The following DNAH17 variants were observed in gnomAD, a reference collection of about 807,000 sequenced individuals.
DNAH17 encodes the protein axonemal beta dynein heavy chain 17.
Under a neutral mutation model 485.6 loss-of-function variants are expected in DNAH17, and 376 were observed. That is an observed-to-expected ratio of 0.77 (90% CI 0.71 to 0.84). DNAH17 has a LOEUF of 0.84. Among genes scored for constraint, DNAH17 ranks in the 40% least tolerant of loss-of-function variants. The probability of loss-of-function intolerance (pLI) is 0.00; values close to 1 mark genes in which losing one functional copy is unlikely to be tolerated. For missense variants in DNAH17, 6,370 were observed against 5,839.3 expected (o/e 1.09, Z -2.96); for synonymous variants, 3,031 against 2,405.9 (o/e 1.26, Z -7.60).
Position 78,576,555 on chromosome 17 carries a change from C to T in DNAH17, c.-26+740G>A, listed in dbSNP as rs191803791. ...TTCCCACAGGGCTTTCAGCATGCTGCTGAATTAATCTCCACCCAGGATCTC... is the reference window on the plus strand; with the variant it reads ...TTCCCACAGGGCTTTCAGCATGCTGTTGAATTAATCTCCACCCAGGATCTC... On this transcript the variant is annotated intron_variant, in intron 1 of 80. Coordinates refer to ENST00000389840, the MANE Select transcript of DNAH17 (RefSeq NM_173628.4). Among the ~76,000 whole-genome samples, 7 of 152,256 alleles carry T rather than the reference C, an allele frequency of 4.6e-5. No homozygotes were observed. The East Asian group carries it at 1.2e-3, about 25-fold the overall frequency.
intron 49 of DNAH17, 31 bp downstream of exon 49, chr17:78,480,653 G>A (rs1294224432): frequency 1.9e-6 from 3 of 1,580,600 alleles, no homozygotes; most frequent in African/African-American, 2.7e-5. Context: ...ACTCATGGCA[G>A]GTGACGGGGA....
chr17:78,574,039 C>T (rs1378491894), intron 2 of DNAH17, among the ~76,000 whole-genome samples: 1 of 152,154 alleles, frequency 6.6e-6, no homozygotes, highest in Non-Finnish European at 1.5e-5. Flanking sequence ...ATTGGAGAAA[C>T]CTATCTGCCA....
Position 78,574,850 on chromosome 17 carries a change from G to T in DNAH17, c.208C>A (p.Gln70Lys), listed in dbSNP as rs1462505152. 7.4e-6 allele frequency: 12 copies of T among 1,613,914 alleles called. No individual in the cohort carries two copies. The African/African-American group carries it at 8.0e-5, about 11-fold the overall frequency. Residue 70 changes from glutamine (Q) to lysine (K), a missense_variant, in exon 2 of 81, where the codon CAG becomes AAG. Gln to Lys is a moderately conservative substitution (Grantham distance 53, BLOSUM62 1). Coordinates refer to ENST00000389840, the MANE Select transcript of DNAH17 (RefSeq NM_173628.4). ...TAAACCCCTTTGGACTTGAGGGACTGGGGGAAGCCCAGGCAGGGTATGATC... is the reference window on the plus strand; with the variant it reads ...TAAACCCCTTTGGACTTGAGGGACTTGGGGAAGCCCAGGCAGGGTATGATC... ...GMIIPCLGFPQSLKSKGVYFI... is the reference protein window; with the variant it reads ...GMIIPCLGFPKSLKSKGVYFI...
chr17:78,465,372 C>T (rs1319763023), intron 56 of DNAH17, among the ~76,000 whole-genome samples: 5 of 151,454 alleles, frequency 3.3e-5, no homozygotes, highest in African/African-American at 4.9e-5. Flanking sequence ...AAGTGAGGAG[C>T]GTCTCTGCCT....
rs775669683 is a variant in DNAH17, at chr17:78,574,807, G to T, written c.251C>A (p.Ser84Tyr). The T allele has an allele frequency of 6.2e-7, 1 of 1,614,018 alleles. No homozygotes were observed. The highest frequency in any genetic ancestry group is 1.1e-5 in the South Asian group (1 of 91,076). ...SKGVYFIKTK[S>Y]ENINKDNYRA... ...GTAGTTGTCCTTGTTGATGTTCTCG[G>T]ACTTTGTCTTGATGAAGTAAACCCC... Residue 84 changes from serine (S) to tyrosine (Y), a missense_variant, in exon 2 of 81, where the codon TCC becomes TAC. Transcript: ENST00000389840.
Position 78,454,742 on chromosome 17 carries a change from GC to G in DNAH17, c.10171-38del. ...GGCACACTTTCTTAGAGGGGGTAAT[GC>G]GACCTTATTACTTACTAGAAAATAG... On this transcript the variant is annotated intron_variant, in intron 63 of 80. Coordinates refer to ENST00000389840, the MANE Select transcript of DNAH17 (RefSeq NM_173628.4). 3.2e-6 allele frequency: 5 copies of G among 1,546,998 alleles called. No individual in the cohort carries two copies. The South Asian group carries it at 5.6e-5, about 17-fold the overall frequency.
chr17:78,477,482 G>A (rs1330313300), intron 51 of DNAH17, among the ~76,000 whole-genome samples: 1 of 152,094 alleles, frequency 6.6e-6, no homozygotes, highest in Non-Finnish European at 1.5e-5. Flanking sequence ...GGGTTCAAGT[G>A]ATTCTCACAT....
At chr17:78,537,593 T>C in intron 18 of DNAH17, 112 bp from the exon 19 acceptor site, 1 of 1,250,434 alleles carries the variant, frequency 8.0e-7, no homozygotes, top group Non-Finnish European at 1.1e-6. Context: ...CTTCCACTTA[T>C]CTGGGAAGCT....
At position 78,500,337 on chromosome 17, in the gene DNAH17, C is replaced by T. The variant is rs202169592; in HGVS notation, c.5608G>A (p.Val1870Ile). The T allele has an allele frequency of 3.8e-5, 62 of 1,612,662 alleles. 1 individual carries two copies. The Middle Eastern group carries it at 5.0e-4, about 13-fold the overall frequency. The change falls in exon 36 of 81, where the codon GTC (valine) becomes ATC (isoleucine). Residue 1870 changes from valine (V) to isoleucine (I), a missense_variant. Val to Ile is a conservative substitution (Grantham distance 29). Coordinates refer to ENST00000389840, the MANE Select transcript of DNAH17 (RefSeq NM_173628.4). ...LGRALGTMVYVFNCSEQMDYK... is the reference protein window; with the variant it reads ...LGRALGTMVYIFNCSEQMDYK... ...TCCATCTGCTCGGAGCAGTTGAAGA[C>T]GTAGACCATGGTGCCCAGGGCTCTG...
At position 78,514,352 on chromosome 17, in the gene DNAH17, A is replaced by G. The variant is rs181319721; in HGVS notation, c.4113+422T>C. ...AAACCCCGTCTGTACTAAAAATACA[A>G]AAATTAGCTGGGTGTGGTGGTGGGT... is the stretch of plus-strand genomic sequence containing the variant. On this transcript the variant is annotated intron_variant, in intron 26 of 80. Transcript: ENST00000389840. Among the ~76,000 whole-genome samples the G allele has an allele frequency of 1.8e-4, 27 of 152,032 alleles. No individual in the cohort carries two copies. The East Asian group carries it at 4.8e-3, about 27-fold the overall frequency.
At chr17:78,479,427 C>T in intron 50 of DNAH17, 58 bp downstream of exon 50, 2 of 1,521,768 alleles carry the variant, frequency 1.3e-6, no homozygotes, top group East Asian at 2.3e-5. Flanking sequence ...GAAGAACCAT[C>T]AGCCCACAGA....
chr17:78,539,749 G>A lies in DNAH17; in HGVS notation c.2664C>T (p.Asn888=), dbSNP rs752383643. ...GTTGATAACTTACATCTATAACCAT[G>A]TTGTCCATTAGGAAACTCAGAGATT... ...IRKSLSFLMD[N]MVIDESIAPL... Residue 888 remains asparagine (N), a synonymous_variant, in exon 18 of 81, where the codon AAC becomes AAT. Coordinates refer to ENST00000389840, the MANE Select transcript of DNAH17 (RefSeq NM_173628.4). 5.6e-6 allele frequency: 9 copies of A among 1,610,362 alleles called. No homozygotes were observed. The highest frequency in any genetic ancestry group is 6.8e-6 in the Non-Finnish European group (8 of 1,178,940).
At position 78,501,878 on chromosome 17, in the gene DNAH17, G is replaced by A. The variant is rs548899558; in HGVS notation, c.5191-5C>T. 34 of 1,613,864 alleles carry A rather than the reference G, an allele frequency of 2.1e-5. No homozygotes were observed. The highest frequency in any genetic ancestry group is 1.3e-4 in the East Asian group (6 of 44,886). ...GAGTACGTTCAGCTGGCTAATCTGC[G>A]GGGGAGAGTGCCTTCGATGAGACAC... On this transcript the variant is annotated splice_region_variant and splice_polypyrimidine_tract_variant and intron_variant, in intron 33 of 80. Transcript: ENST00000389840.
In DNAH17 at chr17:78,459,226, G is replaced by A. The variant is rs770174329; in HGVS notation, c.9654-18C>T. 1.2e-6 allele frequency: 2 copies of A among 1,612,054 alleles called. No homozygotes were observed. The highest frequency in any genetic ancestry group is 2.7e-5 in the African/African-American group (2 of 74,918). ...GGTAGGGCCTAGCGAGGGAACCAGA[G>A]GGCCGGAGTCGTCACCCTGTCCTGC... is the stretch of plus-strand genomic sequence containing the variant. On this transcript the variant is annotated intron_variant, in intron 60 of 80. Coordinates refer to ENST00000389840, the MANE Select transcript of DNAH17 (RefSeq NM_173628.4).
intron 69 of DNAH17, among the ~76,000 whole-genome samples, chr17:78,446,210 A>T (rs1298147075): frequency 1.3e-5 from 2 of 149,228 alleles, no homozygotes; most frequent in Admixed American, 6.7e-5. Context: ...TGACAATTGT[A>T]ACCATATTTT....
intron 17 of DNAH17, among the ~76,000 whole-genome samples, chr17:78,540,435 A>ATGGGTGGG (rs2091496301): frequency 5.8e-5 from 1 of 17,378 alleles, no homozygotes; most frequent in Non-Finnish European, 1.0e-4. Flanking sequence ...GGATGGATGG[A>ATGGGTGGG]TGGATGGATG....
chr17:78,575,222 TGGTTG>T, intron 1 of DNAH17, 140 bp from the exon 2 acceptor site: 1 of 687,128 alleles, frequency 1.5e-6, no homozygotes, highest in Non-Finnish European at 2.4e-6. Flanking sequence ...TTTTTAGCTG[TGGTTG>T]GGTTGGGGTG....
chr17:78,507,573 A>G lies in DNAH17; in HGVS notation c.4469T>C (p.Phe1490Ser). The change falls in exon 28 of 81, where the codon TTT (phenylalanine) becomes TCT (serine). Residue 1490 changes from phenylalanine (F) to serine (S), a missense_variant. Coordinates refer to ENST00000389840, the MANE Select transcript of DNAH17 (RefSeq NM_173628.4). ...GTGGCTCCAGGTTCGCTGGACCTCA[A>G]ACCAGATGGAGATGACGGAGTCCGC... ...STADSVISIW[F>S]EVQRTWSHLE... 6.2e-7 allele frequency: 1 copy of G among 1,614,132 alleles called. No homozygotes were observed. The highest frequency in any genetic ancestry group is 8.5e-7 in the Non-Finnish European group (1 of 1,179,978).
At chr17:78,430,318 AAGATAATTG>A (rs1385941321) in intron 75 of DNAH17, among the ~76,000 whole-genome samples, 2 of 107,758 alleles carry the variant, frequency 1.9e-5, no homozygotes, top group Non-Finnish European at 4.3e-5. Flanking sequence ...GGATAAAAAT[AAGATAATTG>A]ATTCTTTTTT....
Sources: gnomAD v4.1 joint callset for allele counts (sites outside exome capture counted in the v4.1 genomes callset) on GRCh38, gnomAD v4.1.1 for gene constraint, MANE v1.5 for transcripts, NCBI Gene and HGNC (gene_info 2026-07-23, HGNC 2026-07-21) for gene names.